The following GSN variants were observed in gnomAD, a reference collection of about 807,000 sequenced individuals.
GSN encodes the protein gelsolin, also known as actin-depolymerizing factor.
GSN carries 56 observed loss-of-function variants against 85.7 expected under a neutral mutation model. The ratio of observed to expected loss-of-function variants is 0.65; its 90% CI spans 0.53 to 0.82. The LOEUF (loss-of-function observed/expected upper bound fraction) is 0.82. Ranked by LOEUF, GSN falls within the 40% of genes least tolerant of loss-of-function variation. GSN has a pLI of 0.00. For missense variants in GSN, 857 were observed against 979.8 expected (o/e 0.87, Z 1.67); for synonymous variants, 373 against 399.1 (o/e 0.93, Z 0.78).
chr9:121,267,218 T>A (rs895381592), upstream of GSN, among the ~76,000 whole-genome samples: 2 of 152,208 alleles, frequency 1.3e-5, no homozygotes, highest in Non-Finnish European at 2.9e-5. Flanking sequence ...TGGGAGGCCG[T>A]CTTATGCCTT....
intron 1 of GSN, among the ~76,000 whole-genome samples, chr9:121,270,828 A>G (rs930502550): frequency 2.0e-5 from 3 of 152,064 alleles, no homozygotes; most frequent in Non-Finnish European, 4.4e-5. Context: ...TGCTTGGTCT[A>G]TGGTACGTTG....
At chr9:121,242,596 T>C (rs1045572692) in intron 5 of GSN, among the ~76,000 whole-genome samples, 30 of 152,198 alleles carry the variant, frequency 2.0e-4, no homozygotes, top group African/African-American at 6.8e-4. Context: ...AGAAATTTCT[T>C]TTTCTGCAAA....
rs556916264 is a variant in GSN at position 121,332,335 on chromosome 9, C to A, written c.2027-99C>A. Reference sequence around the variant, plus strand: ...GCAGTAGGGACAGTAGGACCATAGACCCTCTTCTTTGTCAACTCCTGTCCT... The same window carrying A: ...GCAGTAGGGACAGTAGGACCATAGAACCTCTTCTTTGTCAACTCCTGTCCT... On this transcript the variant is annotated intron_variant, in intron 17 of 17. Coordinates refer to ENST00000432226, the MANE Select transcript of GSN (RefSeq NM_198252.3). The surrounding 1 kb of genome is among the most constrained non-coding windows in gnomAD (Gnocchi z 4.8). 1.5e-5 allele frequency: 16 copies of A among 1,077,004 alleles called. No homozygotes were observed. Among genetic ancestry groups the A allele is most frequent in the South Asian group, 7.5e-5 (6 of 80,036 alleles). 66.7% of individuals were successfully genotyped at this position (1,077,004 alleles called of 1,614,324 possible).
chr9:121,262,818 C>G (rs2055115047), intron 6 of GSN, among the ~76,000 whole-genome samples: 1 of 152,218 alleles, frequency 6.6e-6, no homozygotes, highest in South Asian at 2.1e-4. Context: ...AGAATAATGG[C>G]TCTTGAAATT....
At chr9:121,325,918 C>T (rs553737991) in intron 12 of GSN, among the ~76,000 whole-genome samples, 15 of 152,068 alleles carry the variant, frequency 9.9e-5, no homozygotes, top group Admixed American at 2.0e-4. Flanking sequence ...TGGTGGGAAG[C>T]GACTGCCATA....
At chr9:121,293,629 C>T (rs935881645) in intron 2 of GSN, among the ~76,000 whole-genome samples, 5 of 145,098 alleles carry the variant, frequency 3.4e-5, no homozygotes, top group Non-Finnish European at 6.0e-5. Flanking sequence ...ACCTGGGAGG[C>T]GGAGGTGGCA....
chr9:121,246,638 C>A (rs540766978), intron 5 of GSN, among the ~76,000 whole-genome samples: 15 of 152,004 alleles, frequency 9.9e-5, no homozygotes, highest in African/African-American at 3.6e-4. Flanking sequence ...AATATCAGGT[C>A]CCTCCATATC....
intron 4 of GSN, among the ~76,000 whole-genome samples, chr9:121,307,015 TA>T (rs750933834): frequency 8.5e-5 from 13 of 152,160 alleles, no homozygotes; most frequent in African/African-American, 1.2e-4. Flanking sequence ...ACCCTGTCTC[TA>T]CTAAAAATAC....
At chr9:121,305,658 C>T (rs1404207981) in intron 4 of GSN, among the ~76,000 whole-genome samples, 9 of 152,254 alleles carry the variant, frequency 5.9e-5, no homozygotes, top group South Asian at 4.1e-4. Flanking sequence ...CCCGGCCCCC[C>T]GATGATTTTC....
At chr9:121,244,305 T>C (rs1343704187) in intron 5 of GSN, among the ~76,000 whole-genome samples, 1 of 152,244 alleles carries the variant, frequency 6.6e-6, no homozygotes, top group Non-Finnish European at 1.5e-5. Flanking sequence ...AATGTTCAGG[T>C]ACAGACAAAT....
chr9:121,227,775 G>T (rs545323081), intron 4 of GSN, among the ~76,000 whole-genome samples: 27 of 151,936 alleles, frequency 1.8e-4, no homozygotes, highest in Admixed American at 1.2e-3. Context: ...GGTTTTTTGG[G>T]TTTTTTTTCT....
In GSN at chr9:121,317,156, T is replaced by C; in HGVS notation, c.824T>C (p.Leu275Pro). ...ADENPFAQGA[L>P]KSEDCFILDH... ...GAGAACCCCTTCGCCCAGGGGGCCCTGAAGTCAGAGGACTGCTTCATCCTG... is the reference window on the plus strand; with the variant it reads ...GAGAACCCCTTCGCCCAGGGGGCCCCGAAGTCAGAGGACTGCTTCATCCTG... Residue 275 changes from leucine (L) to proline (P), a missense_variant, in exon 8 of 18, where the codon CTG (leucine) becomes CCG (proline). Leu to Pro is a moderately conservative substitution (Grantham distance 98). Transcript: ENST00000432226. 1 of 1,614,162 alleles carries C rather than the reference T, an allele frequency of 6.2e-7. No homozygotes were observed. The highest frequency in any genetic ancestry group is 1.1e-5 in the South Asian group (1 of 91,084).
intron 6 of GSN, among the ~76,000 whole-genome samples, chr9:121,256,265 A>T (rs2054956905): frequency 6.6e-6 from 1 of 152,178 alleles, no homozygotes; most frequent in Non-Finnish European, 1.5e-5. Context: ...ATGCCTGAGG[A>T]TATACCTTGC....
Position 121,217,123 on chromosome 9 carries a change from G to C in GSN, c.-528+6256G>C, listed in dbSNP as rs900592844. Among the ~76,000 whole-genome samples, 8 of 152,136 alleles carry C rather than the reference G, an allele frequency of 5.3e-5. 1 individual carries two copies. The highest frequency in any genetic ancestry group is 4.6e-4 in the Admixed American group (7 of 15,260). ...GCCTATAATCCCAGCACTTTGTGAGGCCAAGGCGGGTGGATCACAAGGTCA... is the reference window on the plus strand; with the variant it reads ...GCCTATAATCCCAGCACTTTGTGAGCCCAAGGCGGGTGGATCACAAGGTCA... On this transcript the variant is annotated intron_variant, in intron 4 of 24. Coordinates refer to the GSN transcript ENST00000373823.
chr9:121,269,344 G>A (rs754814782), intron 1 of GSN, among the ~76,000 whole-genome samples: 6 of 152,164 alleles, frequency 3.9e-5, no homozygotes, highest in Non-Finnish European at 8.8e-5. Flanking sequence ...TCACAGTTGA[G>A]AAAAGTCAAG....
chr9:121,239,585 G>A (rs2054562367), intron 5 of GSN: 1 of 273,492 alleles, frequency 3.7e-6, no homozygotes, highest in Non-Finnish European at 7.3e-6. Flanking sequence ...CGGCAATACT[G>A]TTCATACCAA....
chr9:121,227,113 G>T (rs946040545), intron 4 of GSN, among the ~76,000 whole-genome samples: 1 of 152,138 alleles, frequency 6.6e-6, no homozygotes, highest in Non-Finnish European at 1.5e-5. Context: ...GACACTGAAG[G>T]CTTGGCATGG....
rs1256843500 is a variant in GSN at position 121,318,984 on chromosome 9, CT to C, written c.1191+107del. On this transcript the variant is annotated intron_variant, in intron 10 of 17. Coordinates refer to ENST00000432226, the MANE Select transcript of GSN (RefSeq NM_198252.3). The surrounding 1 kb of genome is among the most constrained non-coding windows in gnomAD (Gnocchi z 4.3). ...AGGTTTCTCTCTGAGGTTTGCACAA[CT>C]TTGGTAGCTGAGATTCTTTGGTGTT... 1.1e-6 allele frequency: 1 copy of C among 909,424 alleles called. No homozygotes were observed. The allele number at this position is 909,424 out of a possible 1,614,324, so 56.3% of individuals were successfully genotyped here. A position where few individuals can be genotyped will look rare whatever the true frequency, so the allele number is the denominator to read the frequency against.
chr9:121,242,346 T>G (rs1033650181), intron 5 of GSN, among the ~76,000 whole-genome samples: 3 of 152,126 alleles, frequency 2.0e-5, no homozygotes, highest in African/African-American at 7.2e-5. Flanking sequence ...CTTGAATCAG[T>G]ACTTGCAAGG....
Sources: gnomAD v4.1 joint callset for allele counts (sites outside exome capture counted in the v4.1 genomes callset) on GRCh38, gnomAD v4.1.1 for gene constraint, Gnocchi (gnomAD v3.1) non-coding constraint, MANE v1.5 for transcripts, NCBI Gene and HGNC (gene_info 2026-07-23, HGNC 2026-07-21) for gene names.